WDPCP: variants seen among roughly 807,000 people sequenced by gnomAD.
WDPCP encodes WD repeat containing planar cell polarity effector.
Under a neutral mutation model 93.1 loss-of-function variants are expected in WDPCP, and 71 were observed. The ratio of observed to expected loss-of-function variants is 0.76; its 90% confidence interval spans 0.63 to 0.93. The LOEUF is 0.93. WDPCP is among the 40% of genes least tolerant of loss of function. The pLI, the probability that WDPCP is intolerant of heterozygous loss-of-function variation, is 0.00. For missense variants in WDPCP, 844 were observed against 887.4 expected (o/e 0.95, Z 0.62); for synonymous variants, 315 against 315.0 (o/e 1.00, Z 0.00).
rs147043749 is a variant in WDPCP, at chr2:63,556,161, G to C, written c.75+32036C>G. Among the ~76,000 whole-genome samples, 478 of 152,294 alleles carry C rather than the reference G, an allele frequency of 3.1e-3. 4 individuals carry two copies. Among genetic ancestry groups the C allele is most frequent in the African/African-American group, 0.011 (458 of 41,570 alleles). Reference sequence around the variant, plus strand: ...GTTTAGAGAGGAACATCAATGACCTGATGGAGCTGAAAAACGTAACATGAG... The same window carrying C: ...GTTTAGAGAGGAACATCAATGACCTCATGGAGCTGAAAAACGTAACATGAG... On this transcript the variant is annotated intron_variant, in intron 1 of 17. Transcript: ENST00000272321.
At chr2:63,605,806 CTGA>C (rs1558864078) in intron 3 of WDPCP, 7 of 751,670 alleles carry the variant, frequency 9.3e-6, no homozygotes, top group African/African-American at 3.4e-5. Context: ...GTACCTGGTG[CTGA>C]TGATAGTTCC....
chr2:63,783,384 C>A (rs998835622), intron 2 of WDPCP, among the ~76,000 whole-genome samples: 1 of 151,954 alleles, frequency 6.6e-6, no homozygotes, highest in Non-Finnish European at 1.5e-5. Flanking sequence ...CGCACCACTG[C>A]ACCACAGTCT....
At chr2:63,744,816 C>T (rs1270547324) in intron 2 of WDPCP, among the ~76,000 whole-genome samples, 1 of 152,040 alleles carries the variant, frequency 6.6e-6, no homozygotes, top group Non-Finnish European at 1.5e-5. Flanking sequence ...CCCCTTTCCC[C>T]TACCCACCCC....
intron 13 of WDPCP, among the ~76,000 whole-genome samples, chr2:63,309,533 T>C (rs546167705): frequency 7.2e-4 from 110 of 152,194 alleles, no homozygotes; most frequent in Admixed American, 1.2e-3. Flanking sequence ...TAGTCTACAA[T>C]AGTAGTTGGA....
At chr2:63,593,507 G>A (rs1314549127), upstream of WDPCP, 6 of 468,752 alleles carry the variant, frequency 1.3e-5, no homozygotes, top group Admixed American at 2.4e-5. Context: ...AGAAGCCTTC[G>A]AGGCTATCCA....
At chr2:63,323,159 G>A (rs1168176907) in intron 12 of WDPCP, among the ~76,000 whole-genome samples, 1 of 152,150 alleles carries the variant, frequency 6.6e-6, no homozygotes, top group Non-Finnish European at 1.5e-5. Flanking sequence ...AAGTCATGTC[G>A]CCCAAGCGAG....
chr2:63,485,543 GCT>G (rs537035211), intron 4 of WDPCP, among the ~76,000 whole-genome samples: 309 of 151,830 alleles, frequency 2.0e-3, no homozygotes, highest in Middle Eastern at 3.4e-3. Context: ...CCCTAATAGT[GCT>G]CTTTTTAATT....
At chr2:63,715,663 T>C (rs1669326801) in intron 2 of WDPCP, among the ~76,000 whole-genome samples, 1 of 152,266 alleles carries the variant, frequency 6.6e-6, no homozygotes, top group Non-Finnish European at 1.5e-5. Flanking sequence ...TATTTGTTTT[T>C]ATGAAAAGAA....
intron 12 of WDPCP, chr2:63,360,198 A>G (rs1053631211): frequency 1.3e-5 from 2 of 152,244 alleles, no homozygotes; most frequent in African/African-American, 4.8e-5. Flanking sequence ...TTTCCTCCAA[A>G]CAGTACAAAC....
At chr2:63,364,445 T>C (rs1305644231) in intron 12 of WDPCP, among the ~76,000 whole-genome samples, 2 of 152,240 alleles carry the variant, frequency 1.3e-5, no homozygotes, top group East Asian at 3.9e-4. Context: ...TACATATTTC[T>C]AATTGCCTTA....
intron 1 of WDPCP, among the ~76,000 whole-genome samples, chr2:63,502,813 T>C (rs1701635945): frequency 6.6e-6 from 1 of 151,032 alleles, no homozygotes; most frequent in East Asian, 1.9e-4. Context: ...CATAAAAAGC[T>C]CTTTAAACTC....
At chr2:63,826,902 AT>A (rs1375610839) in intron 1 of WDPCP, among the ~76,000 whole-genome samples, 1 of 152,144 alleles carries the variant, frequency 6.6e-6, no homozygotes, top group East Asian at 1.9e-4. Context: ...GCTAAAATTA[AT>A]TTTGAGAACT....
At position 63,670,709 on chromosome 2, in the gene WDPCP, G is replaced by A. The variant is rs59969247; in HGVS notation, n.309-19871C>T. On this transcript the variant is annotated intron_variant and non_coding_transcript_variant, in intron 2 of 4. Coordinates refer to the WDPCP transcript ENST00000467687. ...GTTACTGGAGACTATGTTCCCATCTGCCCTTTGCCAACTTGCCTCAAGGTC... is the reference window on the plus strand; with the variant it reads ...GTTACTGGAGACTATGTTCCCATCTACCCTTTGCCAACTTGCCTCAAGGTC... Among the ~76,000 whole-genome samples the A allele has an allele frequency of 9.9e-5, 15 of 152,256 alleles. No individual in the cohort carries two copies. The South Asian group carries it at 3.1e-3, about 32-fold the overall frequency.
At chr2:63,681,538 G>A (rs571369011) in intron 2 of WDPCP, among the ~76,000 whole-genome samples, 8 of 152,138 alleles carry the variant, frequency 5.3e-5, no homozygotes, top group Admixed American at 2.0e-4. Context: ...ATGGAACACC[G>A]ACAGACTTCT....
At chr2:63,792,561 C>A (rs1670559706) in intron 2 of WDPCP, among the ~76,000 whole-genome samples, 1 of 152,076 alleles carries the variant, frequency 6.6e-6, no homozygotes, top group Non-Finnish European at 1.5e-5. Flanking sequence ...CCAGGAGAGA[C>A]AATCCTGGAA....
intron 2 of WDPCP, among the ~76,000 whole-genome samples, chr2:63,716,411 T>C (rs972929300): frequency 2.6e-5 from 4 of 152,250 alleles, no homozygotes; most frequent in Admixed American, 1.3e-4. Context: ...AGTTCTTTTC[T>C]CTCACAAATC....
chr2:63,405,122 C>T (rs780149048), intron 9 of WDPCP, among the ~76,000 whole-genome samples: 3 of 152,058 alleles, frequency 2.0e-5, no homozygotes, highest in Non-Finnish European at 4.4e-5. Flanking sequence ...AACCTACCAC[C>T]CTTGTCAATT....
chr2:63,750,115 A>C (rs1669859189), intron 2 of WDPCP, among the ~76,000 whole-genome samples: 1 of 152,132 alleles, frequency 6.6e-6, no homozygotes, highest in African/African-American at 2.4e-5. Context: ...AGAATGAGAT[A>C]TTATTGAAGA....
At chr2:63,827,920 C>G (rs540090617), upstream of WDPCP, 1 of 152,254 alleles carries the variant, frequency 6.6e-6, no homozygotes, top group East Asian at 1.9e-4. Flanking sequence ...GTATGCCAAG[C>G]AGGTATGACC....
Sources: gnomAD v4.1 joint callset for allele counts (sites outside exome capture counted in the v4.1 genomes callset) on GRCh38, gnomAD v4.1.1 for gene constraint, MANE v1.5 for transcripts, NCBI Gene and HGNC (gene_info 2026-07-23, HGNC 2026-07-21) for gene names.